B3GAT2: variants seen among roughly 807,000 people sequenced by gnomAD.
B3GAT2 encodes beta-1,3-glucuronyltransferase 2.
In B3GAT2, 26 loss-of-function variants were observed where a neutral mutation model predicts 27.8. That is an observed-to-expected ratio of 0.93 (90% CI 0.68 to 1.30). B3GAT2 has a LOEUF of 1.30. B3GAT2 is among the 50% of genes most tolerant of loss of function. The pLI, the probability that B3GAT2 is intolerant of heterozygous loss-of-function variation, is 0.00. For synonymous variants in B3GAT2, 218 were observed against 195.1 expected (o/e 1.12, Z -0.98); for missense variants, 458 against 459.0 (o/e 1.00, Z 0.02).
At chr6:70,946,027 G>C (rs552519075) in intron 1 of B3GAT2, among the ~76,000 whole-genome samples, 1 of 152,020 alleles carries the variant, frequency 6.6e-6, no homozygotes. Flanking sequence ...AATGCTGAGA[G>C]ATTTTGCCAC....
chr6:70,926,975 C>T (rs1233741769), intron 1 of B3GAT2, among the ~76,000 whole-genome samples: 1 of 152,168 alleles, frequency 6.6e-6, no homozygotes. Context: ...AACAGCAGAT[C>T]TCTCAGCAGA....
At chr6:70,916,241 C>T (rs1772771226) in intron 1 of B3GAT2, among the ~76,000 whole-genome samples, 1 of 151,982 alleles carries the variant, frequency 6.6e-6, no homozygotes, top group African/African-American at 2.4e-5. Context: ...GATTTTTGTA[C>T]ATTGATTTTG....
intron 1 of B3GAT2, among the ~76,000 whole-genome samples, chr6:70,924,560 T>C (rs778744245): frequency 1.3e-5 from 2 of 152,296 alleles, no homozygotes; most frequent in South Asian, 2.1e-4. Context: ...GACAGAAATA[T>C]AGACCAATGG....
intron 1 of B3GAT2, among the ~76,000 whole-genome samples, chr6:70,917,227 G>T (rs899667560): frequency 2.0e-5 from 3 of 152,100 alleles, no homozygotes; most frequent in African/African-American, 7.2e-5. Context: ...TTGTATTTCC[G>T]TGGGATCGGT....
chr6:70,879,782 A>G (rs572502831), intron 2 of B3GAT2, among the ~76,000 whole-genome samples: 76 of 152,168 alleles, frequency 5.0e-4, no homozygotes, highest in African/African-American at 1.8e-3. Context: ...TGGGTTGAGG[A>G]AAGAGCCTTC....
chr6:70,919,679 T>C (rs993554845), intron 1 of B3GAT2, among the ~76,000 whole-genome samples: 2 of 152,220 alleles, frequency 1.3e-5, no homozygotes, highest in African/African-American at 4.8e-5. Context: ...TGTTGGAGTT[T>C]GCTGGAGTTC....
At position 70,885,261 on chromosome 6, in the gene B3GAT2, C is replaced by T. The variant is rs983920260; in HGVS notation, c.736+8867G>A. On this transcript the variant is annotated intron_variant, in intron 2 of 3. Transcript: ENST00000230053. Reference sequence around the variant, plus strand: ...GAATTTGCATATTGAATACTTGTCTCGTGGTCTACATAGACTCACCTACAG... The same window carrying T: ...GAATTTGCATATTGAATACTTGTCTTGTGGTCTACATAGACTCACCTACAG... 5.3e-5 allele frequency among the ~76,000 whole-genome samples: 8 copies of T among 152,104 alleles called. No individual in the cohort carries two copies. The South Asian group carries it at 8.3e-4, about 16-fold the overall frequency.
At chr6:70,920,420 G>T (rs1317434945) in intron 1 of B3GAT2, among the ~76,000 whole-genome samples, 3 of 152,166 alleles carry the variant, frequency 2.0e-5, no homozygotes, top group Non-Finnish European at 4.4e-5. Flanking sequence ...TGCCCTCCAT[G>T]GGCTGCACCC....
intron 2 of B3GAT2, among the ~76,000 whole-genome samples, chr6:70,887,232 C>T (rs531042791): frequency 6.6e-6 from 1 of 152,132 alleles, no homozygotes; most frequent in Non-Finnish European, 1.5e-5. Flanking sequence ...CCGGGCTGGG[C>T]TGAAGCTGAT....
chr6:70,942,405 C>CT (rs1765407653), intron 1 of B3GAT2, among the ~76,000 whole-genome samples: 1 of 152,198 alleles, frequency 6.6e-6, no homozygotes, highest in Non-Finnish European at 1.5e-5. Context: ...CTTCAGGTCT[C>CT]TGAGTATTCA....
chr6:70,955,796 C>T (rs1451346615), intron 1 of B3GAT2, 43 bp downstream of exon 1: 3 of 1,513,792 alleles, frequency 2.0e-6, no homozygotes, highest in Non-Finnish European at 2.6e-6. Context: ...CCCGGAGGCC[C>T]ACTCCCGCCC....
At chr6:70,946,359 AG>A (rs1278050427) in intron 1 of B3GAT2, among the ~76,000 whole-genome samples, 2 of 152,142 alleles carry the variant, frequency 1.3e-5, no homozygotes, top group Non-Finnish European at 2.9e-5. Flanking sequence ...AGACACACAT[AG>A]GCTCAAAATA....
At chr6:70,874,281 G>C (rs1017607005) in intron 2 of B3GAT2, among the ~76,000 whole-genome samples, 5 of 152,156 alleles carry the variant, frequency 3.3e-5, no homozygotes, top group African/African-American at 1.2e-4. Flanking sequence ...TCTTTGCTGA[G>C]TGTGGGCAAT....
intron 2 of B3GAT2, among the ~76,000 whole-genome samples, chr6:70,887,937 TGGGCC>T (rs1461282590): frequency 4.6e-5 from 7 of 151,604 alleles, no homozygotes; most frequent in Non-Finnish European, 7.4e-5. Context: ...TGGGCAGGGG[TGGGCC>T]GGGCAGGGCC....
chr6:70,920,361 C>T (rs1214629187), intron 1 of B3GAT2, among the ~76,000 whole-genome samples: 2 of 152,222 alleles, frequency 1.3e-5, no homozygotes, highest in Non-Finnish European at 2.9e-5. Context: ...GGGAAATCCC[C>T]TGACCCCTTG....
intron 2 of B3GAT2, among the ~76,000 whole-genome samples, chr6:70,889,440 G>A (rs567494995): frequency 1.5e-4 from 22 of 151,684 alleles, no homozygotes; most frequent in Non-Finnish European, 2.8e-4. Flanking sequence ...CCACCCACTC[G>A]CCACAAAAGT....
intron 2 of B3GAT2, among the ~76,000 whole-genome samples, chr6:70,891,329 T>C (rs984315932): frequency 8.5e-5 from 13 of 152,198 alleles, no homozygotes; most frequent in African/African-American, 3.1e-4. Flanking sequence ...GTAGTAATCA[T>C]TATTTTAAAA....
intron 1 of B3GAT2, among the ~76,000 whole-genome samples, chr6:70,955,407 C>T (rs930524177): frequency 6.7e-6 from 1 of 149,486 alleles, no homozygotes; most frequent in Non-Finnish European, 1.5e-5. Flanking sequence ...CTAGCCTACC[C>T]GTCCCCACCA....
Position 70,956,509 on chromosome 6 carries a change from G to A in B3GAT2, c.-80C>T. ...CCAGTGCGCAGCTTGGACAGCGGCGGCGCCAGCACTTAGGGAGTGGTGATG... is the reference window on the plus strand; with the variant it reads ...CCAGTGCGCAGCTTGGACAGCGGCGACGCCAGCACTTAGGGAGTGGTGATG... On this transcript the variant is annotated 5_prime_UTR_variant, in exon 1 of 4. Transcript: ENST00000230053. 1 of 1,540,256 alleles carries A rather than the reference G, an allele frequency of 6.5e-7. No homozygotes were observed. Among genetic ancestry groups the A allele is most frequent in the Non-Finnish European group, 8.7e-7 (1 of 1,143,044 alleles).
Sources: gnomAD v4.1 joint callset for allele counts (sites outside exome capture counted in the v4.1 genomes callset) on GRCh38, gnomAD v4.1.1 for gene constraint, MANE v1.5 for transcripts, NCBI Gene and HGNC (gene_info 2026-07-23, HGNC 2026-07-21) for gene names.